The following USP8 variants were observed in gnomAD, a reference collection of about 807,000 sequenced individuals.
USP8 encodes ubiquitin carboxyl-terminal hydrolase 8.
In USP8, 27 loss-of-function variants were observed where a neutral mutation model predicts 130.0. The observed-to-expected ratio is 0.21, with a 90% confidence interval of 0.15 to 0.29. USP8 has a LOEUF of 0.29. USP8 is among the 10% of genes least tolerant of loss of function. USP8 has a pLI of 1.00. For synonymous variants in USP8, 392 were observed against 444.1 expected (o/e 0.88, Z 1.48); for missense variants, 1,029 against 1,312.2 (o/e 0.78, Z 3.33).
At chr15:50,486,722 A>G (rs187558916) in intron 12 of USP8, among the ~76,000 whole-genome samples, 1 of 152,360 alleles carries the variant, frequency 6.6e-6, no homozygotes, top group East Asian at 1.9e-4. Flanking sequence ...CATGTTGTGT[A>G]AGAATGATAC....
chr15:50,460,949 G>A (rs2050975199), intron 5 of USP8, among the ~76,000 whole-genome samples: 1 of 151,780 alleles, frequency 6.6e-6, no homozygotes, highest in South Asian at 2.1e-4. Flanking sequence ...TTGAGTCCAG[G>A]AATTTGAGAC....
At chr15:50,479,998 T>C (rs1204519287) in intron 10 of USP8, among the ~76,000 whole-genome samples, 2 of 152,146 alleles carry the variant, frequency 1.3e-5, no homozygotes, top group Non-Finnish European at 2.9e-5. Context: ...TGGCCTCAAG[T>C]GATCTATCCG....
At chr15:50,484,158 T>C in intron 11 of USP8, 117 bp from the exon 12 acceptor site, 1 of 721,754 alleles carries the variant, frequency 1.4e-6, no homozygotes, top group African/African-American at 1.9e-5. Flanking sequence ...TTCAGAGGCC[T>C]TTTTTTTCTC....
chr15:50,492,108 C>T (rs2052196314), intron 14 of USP8, among the ~76,000 whole-genome samples: 1 of 152,046 alleles, frequency 6.6e-6, no homozygotes, highest in African/African-American at 2.4e-5. Context: ...GTGATCTGCC[C>T]ACCTCGGCCT....
At chr15:50,462,643 CT>C (rs1390203412) in intron 6 of USP8, among the ~76,000 whole-genome samples, 2 of 152,176 alleles carry the variant, frequency 1.3e-5, no homozygotes, top group South Asian at 2.1e-4. Flanking sequence ...AGAGCATGGA[CT>C]CTCAGAAGTC....
chr15:50,513,284 T>A lies in USP8; in HGVS notation c.*14196T>A, dbSNP rs2052761595. On this transcript the variant is annotated 3_prime_UTR_variant, in exon 20 of 20. Coordinates refer to ENST00000307179, the MANE Select transcript of USP8 (RefSeq NM_005154.5). ...ATAATGTTGTTCATGCCAGCAAAAA[T>A]TTGGAAACAATGAAATATCAATAGG... The A allele has an allele frequency of 1.3e-5, 2 of 151,970 alleles. No homozygotes were observed. The highest frequency in any genetic ancestry group is 6.6e-5 in the Admixed American group (1 of 15,252). The allele number at this position is 151,970 out of a possible 1,614,324, so 9.4% of individuals were successfully genotyped here. A position where few individuals can be genotyped will look rare whatever the true frequency, so the allele number is the denominator to read the frequency against.
intron 4 of USP8, among the ~76,000 whole-genome samples, chr15:50,454,801 G>A (rs1215950037): frequency 6.6e-6 from 1 of 151,428 alleles, no homozygotes; most frequent in Non-Finnish European, 1.5e-5. Flanking sequence ...TTTCTTTTGA[G>A]ACAATGTCTC....
chr15:50,458,080 G>A (rs1467133016), intron 4 of USP8, among the ~76,000 whole-genome samples: 1 of 151,908 alleles, frequency 6.6e-6, no homozygotes, highest in Non-Finnish European at 1.5e-5. Flanking sequence ...TGATAATTAG[G>A]GCAAACAAGA....
intron 3 of USP8, among the ~76,000 whole-genome samples, chr15:50,447,549 GT>G (rs200513335): frequency 1.3e-5 from 2 of 149,146 alleles, no homozygotes; most frequent in African/African-American, 2.5e-5. Flanking sequence ...CCTACTGTTA[GT>G]TTTTTTTTTC....
intron 3 of USP8, among the ~76,000 whole-genome samples, chr15:50,446,063 A>G (rs540418463): frequency 6.6e-6 from 1 of 152,270 alleles, no homozygotes; most frequent in South Asian, 2.1e-4. Flanking sequence ...GTATTTTAAA[A>G]TTTTTATGGT....
chr15:50,445,563 A>AAAAAAAAAAAAAAAC, intron 3 of USP8, among the ~76,000 whole-genome samples: 1 of 126,866 alleles, frequency 7.9e-6, no homozygotes, highest in East Asian at 2.3e-4. Context: ...AAAAAAAAAA[A>AAAAAAAAAAAAAAAC]AAAAAAGCCT....
intron 3 of USP8, among the ~76,000 whole-genome samples, chr15:50,445,557 A>AAAAAAAAAAAAAT (rs2050403980): frequency 8.8e-6 from 1 of 113,814 alleles, no homozygotes; most frequent in Non-Finnish European, 1.8e-5. Context: ...AAAAAAAAAA[A>AAAAAAAAAAAAAT]AAAAAAAAAA....
rs1165070917 is a variant in USP8 at position 50,500,500 on chromosome 15, T to A, written c.*1412T>A. ...AAGACCCATCTTCTGGACGACAGAT[T>A]TATCTTAAGATGAAAGGTTGTATAA... On this transcript the variant is annotated 3_prime_UTR_variant, in exon 20 of 20. Coordinates refer to ENST00000307179, the MANE Select transcript of USP8 (RefSeq NM_005154.5). 1 of 340,824 alleles carries A rather than the reference T, an allele frequency of 2.9e-6. No individual in the cohort carries two copies. The highest frequency in any genetic ancestry group is 5.5e-6 in the Non-Finnish European group (1 of 180,378). 21.1% of individuals were successfully genotyped at this position (340,824 alleles called of 1,614,324 possible).
At chr15:50,455,305 TG>T (rs1374172439) in intron 4 of USP8, among the ~76,000 whole-genome samples, 2 of 151,470 alleles carry the variant, frequency 1.3e-5, no homozygotes, top group Non-Finnish European at 2.9e-5. Context: ...TCTCAAGCTC[TG>T]GGCTCAAGCA....
At chr15:50,427,608 G>A (rs2049783782) in intron 1 of USP8, among the ~76,000 whole-genome samples, 1 of 141,608 alleles carries the variant, frequency 7.1e-6, no homozygotes, top group Non-Finnish European at 1.5e-5. Flanking sequence ...TGTCTTCTAG[G>A]CTGGAGTGCA....
intron 4 of USP8, among the ~76,000 whole-genome samples, chr15:50,457,329 A>T (rs1364250080): frequency 6.6e-6 from 1 of 152,026 alleles, no homozygotes; most frequent in Non-Finnish European, 1.5e-5. Flanking sequence ...AGGCCGAGGC[A>T]GGTGGATCAC....
Position 50,490,367 on chromosome 15 carries a change from C to T in USP8, c.2076C>T (p.Thr692=). ...CTCCTTCATCTGCACCTCCTTCCAC[C>T]CCTCCAACTCATAAAGCCAAGCCAC... ...EMAPSSAPPS[T]PPTHKAKPQI... is the part of the protein sequence containing the mutation. Residue 692 remains threonine (T), a synonymous_variant, in exon 14 of 20, where the codon ACC becomes ACT. Coordinates refer to ENST00000307179, the MANE Select transcript of USP8 (RefSeq NM_005154.5). 1 of 1,614,014 alleles carries T rather than the reference C, an allele frequency of 6.2e-7. No homozygotes were observed. Among genetic ancestry groups the T allele is most frequent in the East Asian group, 2.2e-5 (1 of 44,868 alleles).
intron 4 of USP8, among the ~76,000 whole-genome samples, chr15:50,451,373 T>A (rs748896272): frequency 3.3e-5 from 5 of 152,178 alleles, no homozygotes; most frequent in Non-Finnish European, 5.9e-5. Flanking sequence ...ATCTTGCCAC[T>A]GCACTCTAGC....
rs1348290358 is a variant in USP8, at chr15:50,506,403, AC to A, written c.*7316del. On this transcript the variant is annotated 3_prime_UTR_variant, in exon 20 of 20. Transcript: ENST00000307179. The stretch of plus-strand genomic sequence containing the variant: ...GGTTGCGTGCTCCTTATGAGAATCT[AC>A]TGCCTGATTTTCTGAGGTGGAACAG... The A allele has an allele frequency of 1.3e-5, 2 of 152,198 alleles. No homozygotes were observed. Among genetic ancestry groups the A allele is most frequent in the Non-Finnish European group, 2.9e-5 (2 of 68,048 alleles). The allele number at this position is 152,198 out of a possible 1,614,324, so 9.4% of individuals were successfully genotyped here. A position where few individuals can be genotyped will look rare whatever the true frequency, so the allele number is the denominator to read the frequency against.
Sources: gnomAD v4.1 joint callset for allele counts (sites outside exome capture counted in the v4.1 genomes callset) on GRCh38, gnomAD v4.1.1 for gene constraint, MANE v1.5 for transcripts, NCBI Gene and HGNC (gene_info 2026-07-23, HGNC 2026-07-21) for gene names.